Variants in ABITRAM observed in about 807,000 individuals in gnomAD.
ABITRAM encodes the protein protein Abitram.
ABITRAM carries 19 observed loss-of-function variants against 22.9 expected under a neutral mutation model. The ratio of observed to expected loss-of-function variants is 0.83; its 90% CI spans 0.58 to 1.22. The LOEUF is 1.22. Among genes scored for constraint, ABITRAM ranks in the 50% most tolerant of loss-of-function variants. The pLI is 0.00. For missense variants in ABITRAM, 215 were observed against 220.2 expected, an observed-to-expected ratio of 0.98 and a Z score of 0.15; for synonymous variants, 70 against 73.9, an observed-to-expected ratio of 0.95 and a Z score of 0.27.
intron 3 of ABITRAM, chr9:108,948,226 C>T: frequency 6.2e-7 from 1 of 1,611,258 alleles, no homozygotes; most frequent in Non-Finnish European, 8.5e-7. Flanking sequence ...TTTCAGTGGC[C>T]CCTCTCCTCT....
At chr9:108,943,795 T>G, downstream of ABITRAM, 1 of 1,613,648 alleles carries the variant, frequency 6.2e-7, no homozygotes, top group Non-Finnish European at 8.5e-7. Context: ...AGGAGAAGCA[T>G]AAGCTTGTCA....
chr9:108,936,568 AG>A (rs1192865238), intron 3 of ABITRAM, 131 bp downstream of exon 3: 1 of 997,404 alleles, frequency 1.0e-6, no homozygotes, highest in East Asian at 2.5e-5. Context: ...TGCTAATTTT[AG>A]GTATACTTTC....
At chr9:108,948,110 A>G in intron 3 of ABITRAM, 1 of 1,480,210 alleles carries the variant, frequency 6.8e-7, no homozygotes, top group East Asian at 2.3e-5. Context: ...TGATATAATA[A>G]ATCATCTGGA....
rs765481910 is a variant in ABITRAM, at chr9:108,948,197, G to A, written c.262-2310G>A. On this transcript the variant is annotated intron_variant, in intron 3 of 3. Coordinates refer to the ABITRAM transcript ENST00000374624. The stretch of plus-strand genomic sequence containing the variant: ...GAAACAAGGCATACCTCTAGTTGAT[G>A]AATTAAATCCTGGGAAGTTTTCAGT... 3.7e-6 allele frequency: 6 copies of A among 1,612,000 alleles called. No individual in the cohort carries two copies. In the African/African-American group the frequency reaches 6.7e-5, roughly 18 times the overall value.
rs1027226324 is a variant in ABITRAM, at chr9:108,940,692, TACTC to T, written c.*1008_*1011del. 1.2e-4 allele frequency: 18 copies of T among 152,202 alleles called. 1 individual carries two copies. The highest frequency in any genetic ancestry group is 3.4e-4 in the African/African-American group (14 of 41,450). 9.4% of individuals were successfully genotyped at this position (152,202 alleles called of 1,614,324 possible). A position where few individuals can be genotyped will look rare whatever the true frequency, so the allele number is the denominator to read the frequency against. On this transcript the variant is annotated 3_prime_UTR_variant, in exon 6 of 6. Transcript: ENST00000322940. ...ATTCTTGAAATATGCACATTATAGT[TACTC>T]AGTCTCACATACTCTAGTTACTGGC...
Position 108,939,536 on chromosome 9 carries a change from C to T in ABITRAM, c.409-13C>T, listed in dbSNP as rs771672105. The T allele has an allele frequency of 2.5e-6, 4 of 1,612,572 alleles. No individual in the cohort carries two copies. In the African/African-American group the frequency reaches 4.0e-5, roughly 16 times the overall value. On this transcript the variant is annotated splice_polypyrimidine_tract_variant and intron_variant, in intron 5 of 5. Coordinates refer to ENST00000322940, the MANE Select transcript of ABITRAM (RefSeq NM_017832.4). Reference sequence around the variant, plus strand: ...TCATCGTTTGACAGTACTAAATGTTCTTTCCTTTCCAGCCATCTACTGAAG... The same window carrying T: ...TCATCGTTTGACAGTACTAAATGTTTTTTCCTTTCCAGCCATCTACTGAAG...
downstream of ABITRAM, chr9:108,943,628 C>G: frequency 8.0e-7 from 1 of 1,253,166 alleles, no homozygotes; most frequent in Non-Finnish European, 1.1e-6. Context: ...TGGGTACTAA[C>G]AGTTTATTTG....
intron 2 of ABITRAM, 77 bp from the exon 3 acceptor site, chr9:108,936,231 A>C: frequency 6.6e-7 from 1 of 1,513,974 alleles, no homozygotes. Context: ...CAGTTCATAC[A>C]TTCTTGTTCC....
Position 108,934,512 on chromosome 9 carries a change from A to G in ABITRAM, c.26A>G (p.Glu9Gly). 1 of 1,605,786 alleles carries G rather than the reference A, an allele frequency of 6.2e-7. No individual in the cohort carries two copies. The highest frequency in any genetic ancestry group is 8.5e-7 in the Non-Finnish European group (1 of 1,177,196). The part of the protein sequence containing the change: MATEPEAA[E>G]PVVPSLVDRY... ...ATGGCTACCGAGCCCGAAGCCGCGG[A>G]GCCGGTGGTGCCTTCGCTCGTGGAT... The change falls in exon 1 of 6, where the codon GAG becomes GGG. Residue 9 changes from glutamate (E) to glycine (G), a missense_variant. Transcript: ENST00000322940.
At chr9:108,941,120 TTTTTAAG>T (rs1164251738), downstream of ABITRAM, among the ~76,000 whole-genome samples, 1 of 152,160 alleles carries the variant, frequency 6.6e-6, no homozygotes, top group Non-Finnish European at 1.5e-5. Context: ...GGGGTTGGAA[TTTTTAAG>T]TTTTAATTAT....
At position 108,934,491 on chromosome 9, in the gene ABITRAM, C is replaced by T. The variant is rs371689204; in HGVS notation, c.5C>T (p.Ala2Val). 2.1e-5 allele frequency: 34 copies of T among 1,602,312 alleles called. No individual in the cohort carries two copies. The highest frequency in any genetic ancestry group is 2.6e-5 in the Non-Finnish European group (31 of 1,175,888). ...GTGGCGGCGCCGGAGGTCGCCATGG[C>T]TACCGAGCCCGAAGCCGCGGAGCCG... M[A>V]TEPEAAEPVV... The change falls in exon 1 of 6, where the codon GCT (alanine) becomes GTT (valine). Residue 2 changes from alanine to valine, a missense_variant. Ala to Val is a moderately conservative substitution (Grantham distance 64, BLOSUM62 0). Transcript: ENST00000322940.
intron 3 of ABITRAM, among the ~76,000 whole-genome samples, chr9:108,949,664 TG>T (rs1830501656): frequency 6.6e-6 from 1 of 152,026 alleles, no homozygotes; most frequent in African/African-American, 2.4e-5. Flanking sequence ...GCCAAAATGG[TG>T]AAATCCCATC....
At chr9:108,938,586 G>T (rs1185455858) in intron 3 of ABITRAM, among the ~76,000 whole-genome samples, 1 of 150,070 alleles carries the variant, frequency 6.7e-6, no homozygotes, top group African/African-American at 2.5e-5. Flanking sequence ...TTATTTTGCT[G>T]CTTAAAACTT....
At position 108,934,419 on chromosome 9, in the gene ABITRAM, C is replaced by A; in HGVS notation, c.-68C>A. On this transcript the variant is annotated 5_prime_UTR_variant, in exon 1 of 6. Coordinates refer to ENST00000322940, the MANE Select transcript of ABITRAM (RefSeq NM_017832.4). ...CGCGCTGTGCGCCGGAAGAGCACGC[C>A]CAGTCCGGGCTGCGCGGAGGAAGCG... The A allele has an allele frequency of 7.1e-7, 1 of 1,407,608 alleles. No individual in the cohort carries two copies. The highest frequency in any genetic ancestry group is 2.7e-5 in the East Asian group (1 of 37,482). The allele number at this position is 1,407,608 out of a possible 1,614,324, so 87.2% of individuals were successfully genotyped here.
At chr9:108,938,694 G>T (rs72607156) in intron 3 of ABITRAM, among the ~76,000 whole-genome samples, 34,124 of 145,274 alleles carry the variant, frequency 0.23, 4,896 homozygotes, top group East Asian at 0.33. Context: ...TTACAAAGGG[G>T]GGGGGGGGAA....
chr9:108,943,013 A>G (rs1465135033), downstream of ABITRAM: 8 of 1,612,776 alleles, frequency 5.0e-6, no homozygotes, highest in South Asian at 1.1e-5. Context: ...GAGAGCCATC[A>G]TGGATCTTGT....
downstream of ABITRAM, chr9:108,944,022 G>A (rs374521418): frequency 3.7e-5 from 59 of 1,612,936 alleles, no homozygotes; most frequent in Non-Finnish European, 4.7e-5. Context: ...CAAAAACCTG[G>A]TAGAAAGAGA....
chr9:108,948,063 TA>T, intron 3 of ABITRAM: 1 of 1,138,312 alleles, frequency 8.8e-7, no homozygotes, highest in Non-Finnish European at 1.2e-6. Context: ...CTGCTCTCTG[TA>T]ATACACAGGT....
chr9:108,938,756 G>T (rs1042350494), intron 3 of ABITRAM, among the ~76,000 whole-genome samples: 4 of 150,890 alleles, frequency 2.7e-5, no homozygotes, highest in Non-Finnish European at 5.9e-5. Flanking sequence ...TGGTAAATAA[G>T]TTCCTTTATC....
Sources: gnomAD v4.1 joint callset for allele counts (sites outside exome capture counted in the v4.1 genomes callset) on GRCh38, gnomAD v4.1.1 for gene constraint, MANE v1.5 for transcripts, NCBI Gene and HGNC (gene_info 2026-07-23, HGNC 2026-07-21) for gene names.